HS6ST3: variants seen among roughly 807,000 people sequenced by gnomAD.
HS6ST3 encodes the protein heparan-sulfate 6-O-sulfotransferase 3.
HS6ST3 carries 12 observed loss-of-function variants against 36.7 expected under a neutral mutation model. That is an observed-to-expected ratio of 0.33 (90% CI 0.21 to 0.53). The LOEUF is 0.53. Among genes scored for constraint, HS6ST3 ranks in the 20% least tolerant of loss-of-function variants. The probability of loss-of-function intolerance (pLI) is 0.95; values close to 1 mark genes in which losing one functional copy is unlikely to be tolerated. For missense variants in HS6ST3, 584 were observed against 640.9 expected, an observed-to-expected ratio of 0.91 and a Z score of 0.96; for synonymous variants, 240 against 257.5, an observed-to-expected ratio of 0.93 and a Z score of 0.65.
At chr13:96,571,427 C>A (rs1355660661) in intron 1 of HS6ST3, among the ~76,000 whole-genome samples, 1 of 152,158 alleles carries the variant, frequency 6.6e-6, no homozygotes, top group East Asian at 1.9e-4. Flanking sequence ...TAAACAATAT[C>A]AGCAAGCAAA....
intron 1 of HS6ST3, chr13:96,169,582 C>T (rs1290209848): frequency 6.6e-6 from 1 of 152,482 alleles, no homozygotes; most frequent in Non-Finnish European, 1.5e-5. Context: ...CCTGTAGTCT[C>T]AGCTACTCAG....
At chr13:96,678,244 A>G (rs1225373419) in intron 1 of HS6ST3, among the ~76,000 whole-genome samples, 1 of 152,194 alleles carries the variant, frequency 6.6e-6, no homozygotes, top group Non-Finnish European at 1.5e-5. Context: ...ATGAACATGG[A>G]GCCTTCATGG....
intron 1 of HS6ST3, among the ~76,000 whole-genome samples, chr13:96,685,307 G>T (rs1874745095): frequency 6.6e-6 from 1 of 152,142 alleles, no homozygotes; most frequent in Admixed American, 6.6e-5. Context: ...CTCATTTGGG[G>T]TTTCTTGTCA....
chr13:96,574,269 AAACTGAATTC>A (rs1204563992), intron 1 of HS6ST3: 3 of 399,630 alleles, frequency 7.5e-6, no homozygotes, highest in Non-Finnish European at 1.5e-5. Context: ...CATGGGATTT[AAACTGAATTC>A]ATTAAGGAAA....
At chr13:96,470,542 T>A (rs937765254) in intron 1 of HS6ST3, among the ~76,000 whole-genome samples, 2 of 152,166 alleles carry the variant, frequency 1.3e-5, no homozygotes, top group African/African-American at 4.8e-5. Context: ...CCCTTCCCAC[T>A]TAAACAAACA....
rs74936330 is a variant in HS6ST3 at position 96,823,050 on chromosome 13, C to T, written c.708-9440C>T. ...CCAAGGTTTCACTCAGAGCACCTTC[C>T]TCTTCCAGCCAGGAGGGAGCAGCAC... On this transcript the variant is annotated intron_variant, in intron 1 of 1. Coordinates refer to ENST00000376705, the MANE Select transcript of HS6ST3 (RefSeq NM_153456.4). Among the ~76,000 whole-genome samples, 836 of 152,346 alleles carry T rather than the reference C, an allele frequency of 5.5e-3. 4 individuals are homozygous for T. Among genetic ancestry groups the T allele is most frequent in the Middle Eastern group, 0.014 (4 of 294 alleles).
At chr13:96,399,646 A>G (rs1002227552) in intron 1 of HS6ST3, among the ~76,000 whole-genome samples, 2 of 152,276 alleles carry the variant, frequency 1.3e-5, no homozygotes, top group Non-Finnish European at 2.9e-5. Context: ...GCTGCCCATC[A>G]TAGAATATCA....
intron 1 of HS6ST3, among the ~76,000 whole-genome samples, chr13:96,175,532 T>C (rs2054208473): frequency 6.6e-6 from 1 of 152,078 alleles, no homozygotes; most frequent in Admixed American, 6.6e-5. Flanking sequence ...GCCTTTTTTT[T>C]GTTCTTTTTT....
chr13:96,319,087 C>G (rs2054991158), intron 1 of HS6ST3, among the ~76,000 whole-genome samples: 1 of 152,074 alleles, frequency 6.6e-6, no homozygotes, highest in African/African-American at 2.4e-5. Context: ...AAAAAGAAAC[C>G]CTGTGCCTGT....
At chr13:96,239,070 A>T (rs2054548200) in intron 1 of HS6ST3, among the ~76,000 whole-genome samples, 1 of 152,334 alleles carries the variant, frequency 6.6e-6, no homozygotes, top group Admixed American at 6.5e-5. Flanking sequence ...AGAGTTCTGT[A>T]TTCTGTTCCT....
At chr13:96,276,402 A>T (rs966460971) in intron 1 of HS6ST3, among the ~76,000 whole-genome samples, 1 of 152,252 alleles carries the variant, frequency 6.6e-6, no homozygotes, top group African/African-American at 2.4e-5. Flanking sequence ...ATACCCTGCA[A>T]ACATTTTTTG....
At chr13:96,629,588 G>T (rs1374765319) in intron 1 of HS6ST3, among the ~76,000 whole-genome samples, 1 of 152,160 alleles carries the variant, frequency 6.6e-6, no homozygotes, top group Non-Finnish European at 1.5e-5. Flanking sequence ...ATTGTGTTGA[G>T]AAATCAGTCA....
chr13:96,775,799 G>C (rs1302440871), intron 1 of HS6ST3, among the ~76,000 whole-genome samples: 1 of 152,182 alleles, frequency 6.6e-6, no homozygotes, highest in South Asian at 2.1e-4. Context: ...AAATTAACAA[G>C]GATATTCAGG....
chr13:96,826,125 AAAAT>A (rs1323863684), intron 1 of HS6ST3, among the ~76,000 whole-genome samples: 1 of 152,230 alleles, frequency 6.6e-6, no homozygotes, highest in Non-Finnish European at 1.5e-5. Context: ...TTTAATTTTA[AAAAT>A]AAATAAATAA....
intron 1 of HS6ST3, among the ~76,000 whole-genome samples, chr13:96,681,466 A>G (rs2056718072): frequency 6.6e-6 from 1 of 152,162 alleles, no homozygotes; most frequent in African/African-American, 2.4e-5. Flanking sequence ...CTTCCCAAAA[A>G]GCAAACTGAT....
chr13:96,304,722 T>C (rs1392081698), intron 1 of HS6ST3, among the ~76,000 whole-genome samples: 9 of 140,576 alleles, frequency 6.4e-5, no homozygotes, highest in Admixed American at 2.1e-4. Flanking sequence ...TTTTTTTTTT[T>C]TTTTTTTTTA....
At chr13:96,766,358 G>A (rs1046051483) in intron 1 of HS6ST3, among the ~76,000 whole-genome samples, 1 of 152,194 alleles carries the variant, frequency 6.6e-6, no homozygotes, top group Non-Finnish European at 1.5e-5. Context: ...CTGATTGTGT[G>A]TGCTAATTGT....
At chr13:96,276,560 G>T (rs771521856) in intron 1 of HS6ST3, among the ~76,000 whole-genome samples, 2 of 152,084 alleles carry the variant, frequency 1.3e-5, no homozygotes, top group Non-Finnish European at 2.9e-5. Flanking sequence ...GCTCACAATT[G>T]TTCTAAAGAT....
Position 96,443,529 on chromosome 13 carries a change from CA to C in HS6ST3, c.707+351980del, listed in dbSNP as rs10676564. Among the ~76,000 whole-genome samples, 315 of 76,478 alleles carry C rather than the reference CA, an allele frequency of 4.1e-3. 1 individual carries two copies. Among genetic ancestry groups the C allele is most frequent in the African/African-American group, 0.012 (239 of 19,292 alleles). The allele number at this position is 76,478 out of a possible 152,430, so 50.2% of individuals were successfully genotyped here. A position where few individuals can be genotyped will look rare whatever the true frequency, so the allele number is the denominator to read the frequency against. On this transcript the variant is annotated intron_variant, in intron 1 of 1. Coordinates refer to ENST00000376705, the MANE Select transcript of HS6ST3 (RefSeq NM_153456.4). ...TGGGGGACAGAGCGAGACTCCGTCTCAAAAAAAAAAAAAAAAAAAAGCAGAC... is the reference window on the plus strand; with the variant it reads ...TGGGGGACAGAGCGAGACTCCGTCTCAAAAAAAAAAAAAAAAAAAGCAGAC...
Sources: gnomAD v4.1 joint callset for allele counts (sites outside exome capture counted in the v4.1 genomes callset) on GRCh38, gnomAD v4.1.1 for gene constraint, MANE v1.5 for transcripts, NCBI Gene and HGNC (gene_info 2026-07-23, HGNC 2026-07-21) for gene names.